TRIP11: variants seen among roughly 807,000 people sequenced by gnomAD.
TRIP11 encodes the protein thyroid receptor-interacting protein 11.
Under a neutral mutation model 223.1 loss-of-function variants are expected in TRIP11, and 148 were observed. The observed-to-expected ratio is 0.66, with a 90% CI of 0.58 to 0.76. The LOEUF (loss-of-function observed/expected upper bound fraction) is 0.76. Ranked by LOEUF, TRIP11 falls within the 30% of genes least tolerant of loss-of-function variation. The pLI, the probability that TRIP11 is intolerant of heterozygous loss-of-function variation, is 0.00. For synonymous variants in TRIP11, 762 were observed against 772.6 expected (o/e 0.99, Z 0.23); for missense variants, 2,043 against 2,222.0 (o/e 0.92, Z 1.62).
At chr14:92,029,280 A>ATTATTTT (rs2057230210) in intron 2 of TRIP11, among the ~76,000 whole-genome samples, 1 of 76,762 alleles carries the variant, frequency 1.3e-5, no homozygotes, top group African/African-American at 5.8e-5. Flanking sequence ...CCAAAGTATT[A>ATTATTTT]TTTTTTTTTT....
At chr14:92,000,417 A>G (rs1288120335) in intron 11 of TRIP11, among the ~76,000 whole-genome samples, 1 of 152,224 alleles carries the variant, frequency 6.6e-6, no homozygotes, top group Non-Finnish European at 1.5e-5. Context: ...TTTAGTAAAC[A>G]TTAAGGAATT....
intron 11 of TRIP11, among the ~76,000 whole-genome samples, chr14:92,000,697 G>A (rs576117252): frequency 1.3e-4 from 20 of 152,282 alleles, no homozygotes; most frequent in Admixed American, 3.9e-4. Flanking sequence ...AAAAGTGTAC[G>A]TGTGTGCACA....
chr14:92,002,320 T>A (rs1254816639), intron 11 of TRIP11, among the ~76,000 whole-genome samples: 2 of 152,192 alleles, frequency 1.3e-5, no homozygotes, highest in Non-Finnish European at 2.9e-5. Flanking sequence ...TGCTATGAAC[T>A]CCTGTTTTAT....
intron 2 of TRIP11, among the ~76,000 whole-genome samples, chr14:92,029,972 C>T (rs1566874945): frequency 2.0e-5 from 3 of 151,774 alleles, no homozygotes; most frequent in South Asian, 2.1e-4. Flanking sequence ...CCGAGGCGGG[C>T]GGATCACGAG....
intron 4 of TRIP11, among the ~76,000 whole-genome samples, chr14:92,017,967 G>C (rs1212267435): frequency 1.3e-5 from 2 of 152,070 alleles, no homozygotes; most frequent in African/African-American, 4.8e-5. Flanking sequence ...TAACTAATGG[G>C]GGGGACAACA....
chr14:91,979,939 C>T (rs2056515748), intron 16 of TRIP11, among the ~76,000 whole-genome samples: 1 of 150,534 alleles, frequency 6.6e-6, no homozygotes, highest in South Asian at 2.1e-4. Flanking sequence ...TAAAATATTT[C>T]TGTGAAATAA....
chr14:92,021,962 G>A, intron 3 of TRIP11, 131 bp from the exon 4 acceptor site: 2 of 944,686 alleles, frequency 2.1e-6, no homozygotes, highest in Admixed American at 2.2e-5. Flanking sequence ...TCTATCAACT[G>A]AATCTAAGTC....
chr14:91,987,077 T>C (rs549664342), intron 16 of TRIP11, among the ~76,000 whole-genome samples: 1 of 152,304 alleles, frequency 6.6e-6, no homozygotes, highest in South Asian at 2.1e-4. Context: ...GAGATGCTTA[T>C]AAAAAGTAAA....
intron 4 of TRIP11, among the ~76,000 whole-genome samples, chr14:92,019,898 T>C (rs74710906): frequency 0.15 from 22,229 of 152,118 alleles, 2,011 homozygotes; most frequent in African/African-American, 0.26. Flanking sequence ...ATAAAGTTTA[T>C]ATGTAACATA....
Position 91,999,436 on chromosome 14 carries a change from A to T in TRIP11, c.4699-3T>A. On this transcript the variant is annotated splice_polypyrimidine_tract_variant and splice_region_variant and intron_variant, in intron 12 of 20. Transcript: ENST00000267622. ...TCTTTGTCACGTAAACGTTGAACCT[A>T]GGTAGAGGACATTATTTTTCTTTTA... The T allele has an allele frequency of 6.2e-7, 1 of 1,613,542 alleles. No individual in the cohort carries two copies. The highest frequency in any genetic ancestry group is 8.5e-7 in the Non-Finnish European group (1 of 1,179,792).
chr14:92,011,931 CAT>C, intron 7 of TRIP11, 136 bp from the exon 8 acceptor site: 1 of 724,344 alleles, frequency 1.4e-6, no homozygotes. Flanking sequence ...CTGAGTGAAA[CAT>C]ATATTTGTAT....
chr14:91,985,743 C>T (rs2056597275), intron 16 of TRIP11, among the ~76,000 whole-genome samples: 1 of 152,142 alleles, frequency 6.6e-6, no homozygotes, highest in South Asian at 2.1e-4. Flanking sequence ...AATATTTTTG[C>T]TGTCTGGCCA....
chr14:92,025,515 C>G (rs185931289), intron 2 of TRIP11, 95 bp from the exon 3 acceptor site: 20 of 812,790 alleles, frequency 2.5e-5, no homozygotes, highest in Middle Eastern at 4.6e-4. Context: ...GCTTTCCCCC[C>G]CCAAAAATGT....
intron 16 of TRIP11, among the ~76,000 whole-genome samples, chr14:91,987,337 C>T (rs961480316): frequency 6.6e-6 from 1 of 152,144 alleles, no homozygotes; most frequent in Non-Finnish European, 1.5e-5. Flanking sequence ...TGTCCTGTCT[C>T]CTGCTGGATT....
At chr14:92,035,533 T>TA (rs2057314761) in intron 1 of TRIP11, among the ~76,000 whole-genome samples, 4 of 145,382 alleles carry the variant, frequency 2.8e-5, no homozygotes, top group African/African-American at 1.0e-4. Flanking sequence ...CTAATGAGCT[T>TA]TAAAAAAAAA....
chr14:91,984,377 G>A (rs1186040545), intron 16 of TRIP11, among the ~76,000 whole-genome samples: 1 of 147,070 alleles, frequency 6.8e-6, no homozygotes, highest in Non-Finnish European at 1.5e-5. Flanking sequence ...GTGCAGTGGC[G>A]TGATCTCAAC....
chr14:92,010,867 G>T, intron 9 of TRIP11, 119 bp downstream of exon 9: 1 of 963,382 alleles, frequency 1.0e-6, no homozygotes, highest in Non-Finnish European at 1.7e-6. Flanking sequence ...AGTGAGATCA[G>T]CTTTATTCTA....
chr14:91,987,048 G>GA (rs1320146482), intron 16 of TRIP11, among the ~76,000 whole-genome samples: 1 of 152,118 alleles, frequency 6.6e-6, no homozygotes, highest in Non-Finnish European at 1.5e-5. Flanking sequence ...CTATAAAATG[G>GA]ATAATACCAC....
In TRIP11 at chr14:92,004,756, T is replaced by G. The variant is rs1205941368; in HGVS notation, c.3220A>C (p.Arg1074=). 1 of 1,614,094 alleles carries G rather than the reference T, an allele frequency of 6.2e-7. No homozygotes were observed. Among genetic ancestry groups the G allele is most frequent in the Non-Finnish European group, 8.5e-7 (1 of 1,180,032 alleles). ...KDLEIQALHA[R]ISSTSHTQDV... is the part of the protein sequence containing the mutation. The stretch of plus-strand genomic sequence containing the variant: ...TGAGTATGGGAAGTTGAAGAAATTC[T>G]AGCATGAAGAGCTTGTATCTCCAAA... Residue 1074 remains arginine, a synonymous_variant, in exon 11 of 21, where the codon AGA becomes CGA. Transcript: ENST00000267622.
Sources: gnomAD v4.1 joint callset for allele counts (sites outside exome capture counted in the v4.1 genomes callset) on GRCh38, gnomAD v4.1.1 for gene constraint, MANE v1.5 for transcripts, NCBI Gene and HGNC (gene_info 2026-07-23, HGNC 2026-07-21) for gene names.